The following MTSS1 variants were observed in gnomAD, a reference collection of about 807,000 sequenced individuals.
MTSS1 encodes the protein protein MTSS 1.
Under a neutral mutation model 79.0 loss-of-function variants are expected in MTSS1, and 18 were observed. The observed-to-expected ratio is 0.23, with a 90% CI of 0.16 to 0.34. MTSS1 has a LOEUF of 0.34. Among genes scored for constraint, MTSS1 ranks in the 10% least tolerant of loss-of-function variants. MTSS1 has a pLI of 1.00. For missense variants in MTSS1, 815 were observed against 986.2 expected, an observed-to-expected ratio of 0.83 and a Z score of 2.33; for synonymous variants, 341 against 368.6, an observed-to-expected ratio of 0.93 and a Z score of 0.86.
chr8:124,716,445 C>T (rs1832000658), intron 1 of MTSS1, among the ~76,000 whole-genome samples: 1 of 152,108 alleles, frequency 6.6e-6, no homozygotes, highest in Non-Finnish European at 1.5e-5. Flanking sequence ...GAGATAGCTC[C>T]CTACATACTT....
At chr8:124,598,340 T>C (rs769985505) in intron 3 of MTSS1, among the ~76,000 whole-genome samples, 12 of 152,172 alleles carry the variant, frequency 7.9e-5, no homozygotes, top group Non-Finnish European at 1.5e-4. Context: ...GTGTCCTGTG[T>C]ATTGTAGGAT....
intron 3 of MTSS1, among the ~76,000 whole-genome samples, chr8:124,613,024 A>G (rs1453147309): frequency 1.3e-5 from 2 of 152,126 alleles, no homozygotes; most frequent in Non-Finnish European, 2.9e-5. Flanking sequence ...CCCTAGAAGG[A>G]TGGCCTATTT....
In MTSS1 at chr8:124,553,443, G is replaced by T; in HGVS notation, c.1817C>A (p.Ala606Asp). 1 of 1,608,412 alleles carries T rather than the reference G, an allele frequency of 6.2e-7. No individual in the cohort carries two copies. The highest frequency in any genetic ancestry group is 8.5e-7 in the Non-Finnish European group (1 of 1,176,218). ...GGGTGTCTTGATGGGGATGGGACCAGCTCCAATGGTTCCCCGGCGGACAGA... is the reference window on the plus strand; with the variant it reads ...GGGTGTCTTGATGGGGATGGGACCATCTCCAATGGTTCCCCGGCGGACAGA... ...KPSVRRGTIGAGPIPIKTPVI... is the reference protein window; with the variant it reads ...KPSVRRGTIGDGPIPIKTPVI... Residue 606 changes from alanine to aspartate, a missense_variant, in exon 14 of 14, where the codon GCT becomes GAT. This residue lies in a region of MTSS1 where 590 missense variants were observed against 620.8 expected (regional missense o/e 0.95). Coordinates refer to ENST00000518547, the MANE Select transcript of MTSS1 (RefSeq NM_014751.6). This position sits in a 1 kb window ranked among gnomAD's most constrained non-coding sequence, Gnocchi z 6.0.
At chr8:124,720,965 GC>G (rs1209438437) in intron 1 of MTSS1, among the ~76,000 whole-genome samples, 10 of 152,122 alleles carry the variant, frequency 6.6e-5, no homozygotes, top group African/African-American at 2.4e-4. Context: ...TAAATAACTC[GC>G]CCATGGGATT....
At chr8:124,671,157 A>G (rs76165223) in intron 3 of MTSS1, among the ~76,000 whole-genome samples, 2,250 of 152,058 alleles carry the variant, frequency 0.015, 72 homozygotes, top group African/African-American at 0.052. Flanking sequence ...ATCCACCATG[A>G]CAGGCTAGGC....
chr8:124,636,374 G>C (rs201411414), intron 3 of MTSS1, among the ~76,000 whole-genome samples: 1 of 152,178 alleles, frequency 6.6e-6, no homozygotes, highest in East Asian at 1.9e-4. Context: ...CAAGTGATCC[G>C]CCTGCCTCGG....
At position 124,728,036 on chromosome 8, in the gene MTSS1, G is replaced by C. The variant is rs1285973816; in HGVS notation, c.-81C>G. The C allele has an allele frequency of 7.6e-7, 1 of 1,319,584 alleles. No homozygotes were observed. Among genetic ancestry groups the C allele is most frequent in the Non-Finnish European group, 1.1e-6 (1 of 934,524 alleles). 81.7% of individuals were successfully genotyped at this position (1,319,584 alleles called of 1,614,324 possible). A position where few individuals can be genotyped will look rare whatever the true frequency, so the allele number is the denominator to read the frequency against. On this transcript the variant is annotated 5_prime_UTR_variant, in exon 1 of 14. Transcript: ENST00000518547. This position sits in a 1 kb window ranked among gnomAD's most constrained non-coding sequence, Gnocchi z 6.1. ...GGGCCGGGGCTCGCTCACCCCAGAA[G>C]GAATTTCACCTTCCGAGAGACCCAC...
intron 10 of MTSS1, among the ~76,000 whole-genome samples, chr8:124,559,072 G>A (rs1824691860): frequency 6.6e-6 from 1 of 152,148 alleles, no homozygotes; most frequent in Admixed American, 6.5e-5. Context: ...CGTGCGACCC[G>A]GCCAGCCCTA....
chr8:124,558,828 G>T (rs767086115), intron 10 of MTSS1: 1 of 1,558,678 alleles, frequency 6.4e-7, no homozygotes, highest in South Asian at 1.2e-5. Context: ...CGAGCTGGAC[G>T]AGTTCTGCAG....
chr8:124,684,274 A>AT (rs1204512483), intron 3 of MTSS1, among the ~76,000 whole-genome samples: 1 of 152,170 alleles, frequency 6.6e-6, no homozygotes, highest in Non-Finnish European at 1.5e-5. Context: ...CAATCTTGTC[A>AT]TTTTGCAAAG....
In MTSS1 at chr8:124,666,203, G is replaced by A. The variant is rs958722549; in HGVS notation, c.208+33323C>T. Among the ~76,000 whole-genome samples, 22 of 152,178 alleles carry A rather than the reference G, an allele frequency of 1.4e-4. 1 individual carries two copies. Among genetic ancestry groups the A allele is most frequent in the Non-Finnish European group, 2.9e-5 (2 of 68,028 alleles). ...ATCATATTTCCTAGCACAGCCCCAG[G>A]ACAAGCACTGTGGCTAGCTCACAAG... On this transcript the variant is annotated intron_variant, in intron 3 of 13. Transcript: ENST00000518547.
chr8:124,642,896 C>G (rs980836023), intron 3 of MTSS1, among the ~76,000 whole-genome samples: 3 of 151,986 alleles, frequency 2.0e-5, no homozygotes, highest in Admixed American at 6.6e-5. Flanking sequence ...CCCGGCTCTT[C>G]TGGGTTCTTA....
rs149406754 is a variant in MTSS1 at position 124,661,347 on chromosome 8, T to C, written c.208+38179A>G. Among the ~76,000 whole-genome samples, 89 of 152,058 alleles carry C rather than the reference T, an allele frequency of 5.9e-4. No homozygotes were observed. The East Asian group carries it at 0.017, about 29-fold the overall frequency. ...GGTTTTTTTTTTTTCTGTAAACTGA[T>C]GAATTTTTACTAACAATTCATGCCT... On this transcript the variant is annotated intron_variant, in intron 3 of 13. Transcript: ENST00000518547.
chr8:124,611,374 G>T (rs545875461), intron 3 of MTSS1, among the ~76,000 whole-genome samples: 1 of 152,278 alleles, frequency 6.6e-6, no homozygotes, highest in East Asian at 1.9e-4. Context: ...ATGTGTTGCT[G>T]CTACAAGGAG....
At chr8:124,599,759 C>T (rs1833451999) in intron 3 of MTSS1, among the ~76,000 whole-genome samples, 1 of 152,088 alleles carries the variant, frequency 6.6e-6, no homozygotes, top group East Asian at 1.9e-4. Context: ...CCATCTGTCT[C>T]CTCTTTCCCA....
At chr8:124,556,153 C>G (rs752480171) in intron 12 of MTSS1, 79 bp downstream of exon 12, 2 of 1,599,688 alleles carry the variant, frequency 1.3e-6, no homozygotes, top group African/African-American at 2.7e-5. Flanking sequence ...GCTGCCTTGG[C>G]CCCCCAGTTG....
intron 1 of MTSS1, among the ~76,000 whole-genome samples, chr8:124,721,697 G>A (rs1316767554): frequency 1.1e-5 from 1 of 87,710 alleles, no homozygotes; most frequent in Non-Finnish European, 2.6e-5. Flanking sequence ...CGCCCTACCA[G>A]AAAAGGCTTT....
intron 3 of MTSS1, among the ~76,000 whole-genome samples, chr8:124,593,056 G>A (rs939442672): frequency 2.0e-5 from 3 of 152,208 alleles, no homozygotes; most frequent in African/African-American, 2.4e-5. Flanking sequence ...CAAAGAGCAG[G>A]GGATGCCACG....
intron 3 of MTSS1, among the ~76,000 whole-genome samples, chr8:124,687,793 A>G (rs1005886780): frequency 6.6e-6 from 1 of 152,238 alleles, no homozygotes; most frequent in Non-Finnish European, 1.5e-5. Context: ...GCCATCTTTG[A>G]GAAACTGTGC....
Sources: allele counts gnomAD v4.1 joint callset (sites outside exome capture counted in the v4.1 genomes callset), GRCh38; gene constraint gnomAD v4.1.1; regional missense constraint gnomAD v4.1.1; non-coding constraint Gnocchi (gnomAD v3.1); transcripts MANE v1.5; gene names NCBI Gene and HGNC (gene_info 2026-07-23, HGNC 2026-07-21).